PCDHGA4: variants seen among roughly 807,000 people sequenced by gnomAD.
PCDHGA4 encodes the protein protocadherin gamma-A4.
PCDHGA4 carries 38 observed loss-of-function variants against 54.6 expected under a neutral mutation model. The ratio of observed to expected loss-of-function variants is 0.70; its 90% CI spans 0.54 to 0.91. The LOEUF (loss-of-function observed/expected upper bound fraction) is 0.91. Ranked by LOEUF, PCDHGA4 falls within the 40% of genes least tolerant of loss-of-function variation. The probability of loss-of-function intolerance (pLI) is 0.00; values close to 1 mark genes in which losing one functional copy is unlikely to be tolerated. For missense variants in PCDHGA4, 1,298 were observed against 1,220.9 expected (o/e 1.06, Z -0.94); for synonymous variants, 511 against 512.9 (o/e 1.00, Z 0.05).
intron 1 of PCDHGA4, chr5:141,384,015 A>G: frequency 6.2e-7 from 1 of 1,613,830 alleles, no homozygotes; most frequent in Non-Finnish European, 8.5e-7. Flanking sequence ...TCTACCTACA[A>G]GACAGAGATT....
chr5:141,495,005 C>A, intron 2 of PCDHGA4, 140 bp downstream of exon 2: 1 of 1,522,810 alleles, frequency 6.6e-7, no homozygotes. Context: ...TCTTGGTGTG[C>A]GGGGGGCTGG....
intron 1 of PCDHGA4, among the ~76,000 whole-genome samples, chr5:141,438,019 G>A (rs1031334687): frequency 1.3e-5 from 2 of 152,104 alleles, no homozygotes; most frequent in Non-Finnish European, 2.9e-5. Context: ...GAGATTACAG[G>A]TGTGAGCCAC....
chr5:141,448,706 C>G (rs1344013319), intron 1 of PCDHGA4, among the ~76,000 whole-genome samples: 1 of 151,732 alleles, frequency 6.6e-6, no homozygotes, highest in African/African-American at 2.4e-5. Context: ...TTTGGGAGGC[C>G]GAGGCGGGAG....
At chr5:141,474,758 C>T (rs2099354200) in intron 1 of PCDHGA4, among the ~76,000 whole-genome samples, 1 of 152,210 alleles carries the variant, frequency 6.6e-6, no homozygotes, top group Non-Finnish European at 1.5e-5. Flanking sequence ...GACAAATATA[C>T]AGAAATAGTA....
At chr5:141,387,976 A>G (rs1406804687) in intron 1 of PCDHGA4, 2 of 1,490,180 alleles carry the variant, frequency 1.3e-6, no homozygotes, top group South Asian at 2.6e-5. Context: ...GCGCTCTGTG[A>G]GCAGATCCGC....
chr5:141,462,811 T>C (rs893444929), intron 1 of PCDHGA4, among the ~76,000 whole-genome samples: 1 of 152,206 alleles, frequency 6.6e-6, no homozygotes, highest in Non-Finnish European at 1.5e-5. Context: ...ATAATGTTTT[T>C]ATTGGACAGC....
At chr5:141,504,634 AG>A (rs2099839600) in intron 2 of PCDHGA4, among the ~76,000 whole-genome samples, 1 of 115,756 alleles carries the variant, frequency 8.6e-6, no homozygotes, top group Non-Finnish European at 1.7e-5. Context: ...ACCTTGGAAA[AG>A]GTTTGATGAT....
intron 1 of PCDHGA4, chr5:141,389,276 G>A (rs375882135): frequency 8.7e-6 from 14 of 1,613,858 alleles, no homozygotes; most frequent in Admixed American, 1.7e-5. Flanking sequence ...AGAACAACCC[G>A]CCTGGAGCCT....
At chr5:141,494,999 G>T in intron 2 of PCDHGA4, 134 bp downstream of exon 2, 1 of 1,531,046 alleles carries the variant, frequency 6.5e-7, no homozygotes, top group Non-Finnish European at 8.8e-7. Context: ...GGGAGGTCTT[G>T]GTGTGCGGGG....
Position 141,423,156 on chromosome 5 carries a change from CGTG to C in PCDHGA4, c.2514+65540_2514+65542del, listed in dbSNP as rs776903094. On this transcript the variant is annotated intron_variant, in intron 1 of 3. Coordinates refer to ENST00000571252, the MANE Select transcript of PCDHGA4 (RefSeq NM_018917.4). ...ACAGAGACGCGCTCAAGCAGAGCCT[CGTG>C]GTGGCCGTCCAGGACCACGGCCAGC... 8.2e-4 allele frequency: 1,328 copies of C among 1,613,396 alleles called. 15 individuals are homozygous for C. Among genetic ancestry groups the C allele is most frequent in the Admixed American group, 9.5e-4 (57 of 60,016 alleles).
rs2095194600 is a variant in PCDHGA4 at position 141,408,919 on chromosome 5, C to T, written c.2514+51298C>T. On this transcript the variant is annotated intron_variant, in intron 1 of 3. Transcript: ENST00000571252. The stretch of plus-strand genomic sequence containing the variant: ...CTGTCAAGGATACCAATGATAACCC[C>T]CCGGTTTTCAGCAGAGACGAATATA... 2.5e-6 allele frequency: 4 copies of T among 1,613,346 alleles called. No individual in the cohort carries two copies. The African/African-American group carries it at 4.0e-5, about 16-fold the overall frequency.
chr5:141,407,139 A>G lies in PCDHGA4; in HGVS notation c.2514+49518A>G, dbSNP rs190510544. Among the ~76,000 whole-genome samples, 1,517 of 152,332 alleles carry G rather than the reference A, an allele frequency of 1.0e-2. 33 individuals carry two copies. The highest frequency in any genetic ancestry group is 0.034 in the African/African-American group (1,425 of 41,568). On this transcript the variant is annotated intron_variant, in intron 1 of 3. Coordinates refer to ENST00000571252, the MANE Select transcript of PCDHGA4 (RefSeq NM_018917.4). ...TTTCAGTTGCTTTATTTTTAAGAAA[A>G]AAAAGCTGAAGTGTCTGGGAATCCT...
intron 1 of PCDHGA4, chr5:141,373,829 A>T: frequency 2.5e-6 from 1 of 403,392 alleles, no homozygotes; most frequent in Non-Finnish European, 4.4e-6. Flanking sequence ...ACGATGCAGT[A>T]TTAAGTTAGG....
Position 141,510,979 on chromosome 5 carries a change from G to A in PCDHGA4, c.2695G>A (p.Gly899Ser). 6.2e-7 allele frequency: 1 copy of A among 1,614,156 alleles called. No homozygotes were observed. The highest frequency in any genetic ancestry group is 8.5e-7 in the Non-Finnish European group (1 of 1,180,018). Reference sequence around the variant, plus strand: ...TGATGGGAGCTCCACCCTGGGAGGGGGTGCCGGCACCATGGGATTGAGCGC... The same window carrying A: ...TGATGGGAGCTCCACCCTGGGAGGGAGTGCCGGCACCATGGGATTGAGCGC... ...AADGSSTLGG[G>S]AGTMGLSARY... The change falls in exon 4 of 4, where the codon GGT becomes AGT. Residue 899 changes from glycine (G) to serine (S), a missense_variant. Physicochemically the swap from Gly to Ser is moderately conservative, Grantham distance 56. Transcript: ENST00000571252.
intron 1 of PCDHGA4, chr5:141,360,343 G>A (rs1761549826): frequency 6.2e-7 from 1 of 1,613,806 alleles, no homozygotes; most frequent in African/African-American, 1.3e-5. Flanking sequence ...GCGGGTTAGC[G>A]CGGAGAAGGA....
chr5:141,499,401 C>A lies in PCDHGA4; in HGVS notation c.2573+4536C>A, dbSNP rs115575614. ...TTCCACTTATAAAATAGTACATGCTCATTATAGAAACATGAAAAATAGAAA... is the reference window on the plus strand; with the variant it reads ...TTCCACTTATAAAATAGTACATGCTAATTATAGAAACATGAAAAATAGAAA... On this transcript the variant is annotated intron_variant, in intron 2 of 3. Coordinates refer to ENST00000571252, the MANE Select transcript of PCDHGA4 (RefSeq NM_018917.4). Among the ~76,000 whole-genome samples, 871 of 152,186 alleles carry A rather than the reference C, an allele frequency of 5.7e-3. 5 individuals are homozygous for A. Among genetic ancestry groups the A allele is most frequent in the African/African-American group, 0.02 (847 of 41,502 alleles).
chr5:141,390,246 C>T (rs1401463493), intron 1 of PCDHGA4: 5 of 1,613,922 alleles, frequency 3.1e-6, no homozygotes, highest in African/African-American at 1.3e-5. Context: ...GGCCTTATTT[C>T]CACTTTGTAA....
chr5:141,485,065 A>G lies in PCDHGA4; in HGVS notation c.2515-9742A>G, dbSNP rs527439590. On this transcript the variant is annotated intron_variant, in intron 1 of 3. Transcript: ENST00000571252. The surrounding 1 kb of genome is among the most constrained non-coding windows in gnomAD (Gnocchi z 5.7). ...TGCGGCGCCGGCCGAACCGCGCCAG[A>G]GCTGGCGCGGGGAAAGGGAGATAGG... The G allele has an allele frequency of 4.2e-5, 37 of 877,696 alleles. No individual in the cohort carries two copies. Among genetic ancestry groups the G allele is most frequent in the Non-Finnish European group, 6.5e-5 (36 of 552,826 alleles). The allele number at this position is 877,696 out of a possible 1,614,324, so 54.4% of individuals were successfully genotyped here. A position where few individuals can be genotyped will look rare whatever the true frequency, so the allele number is the denominator to read the frequency against.
intron 1 of PCDHGA4, chr5:141,385,153 A>T: frequency 6.2e-7 from 1 of 1,614,128 alleles, no homozygotes; most frequent in South Asian, 1.1e-5. Flanking sequence ...TTTCCTGCAG[A>T]CCTATTCCCA....
Sources: gnomAD v4.1 joint callset for allele counts (sites outside exome capture counted in the v4.1 genomes callset) on GRCh38, gnomAD v4.1.1 for gene constraint, Gnocchi (gnomAD v3.1) non-coding constraint, MANE v1.5 for transcripts, NCBI Gene and HGNC (gene_info 2026-07-23, HGNC 2026-07-21) for gene names.